Variants in TANC2 observed in about 807,000 individuals in gnomAD.
The protein encoded by TANC2 is protein TANC2.
In TANC2, 26 loss-of-function variants were observed where a neutral mutation model predicts 210.5. That is an observed-to-expected ratio of 0.12 (90% confidence interval 0.09 to 0.17). The LOEUF (loss-of-function observed/expected upper bound fraction) is 0.17. TANC2 is among the 10% of genes least tolerant of loss of function. The pLI, the probability that TANC2 is intolerant of heterozygous loss-of-function variation, is 1.00. For missense variants in TANC2, 2,129 were observed against 2,608.9 expected (o/e 0.82, Z 4.01); for synonymous variants, 931 against 967.1 (o/e 0.96, Z 0.69).
chr17:63,173,843 A>C (rs541945450), intron 5 of TANC2, among the ~76,000 whole-genome samples: 99 of 152,292 alleles, frequency 6.5e-4, no homozygotes, highest in Middle Eastern at 3.4e-3. Context: ...TTATTCATAT[A>C]AAAAAATTAA....
At chr17:63,383,610 A>G (rs1400667018) in intron 15 of TANC2, among the ~76,000 whole-genome samples, 2 of 152,206 alleles carry the variant, frequency 1.3e-5, no homozygotes, top group African/African-American at 2.4e-5. Flanking sequence ...CCATTCATCT[A>G]TTAAAGGACA....
chr17:63,004,849 G>A, intron 1 of TANC2: 1 of 311,064 alleles, frequency 3.2e-6, no homozygotes, highest in East Asian at 1.0e-4. Flanking sequence ...CTTTGGCCCT[G>A]GTTTTAGAGG....
At chr17:63,145,289 C>G (rs1051298191) in intron 4 of TANC2, among the ~76,000 whole-genome samples, 2 of 152,122 alleles carry the variant, frequency 1.3e-5, no homozygotes, top group African/African-American at 4.8e-5. Flanking sequence ...AAGAATGACA[C>G]AAACACTATC....
At chr17:63,353,263 G>A (rs967234455) in intron 13 of TANC2, among the ~76,000 whole-genome samples, 1 of 152,108 alleles carries the variant, frequency 6.6e-6, no homozygotes, top group East Asian at 1.9e-4. Context: ...TTGATGATGG[G>A]CTGAATGTGG....
chr17:63,140,174 C>T (rs1216930317), intron 4 of TANC2, among the ~76,000 whole-genome samples: 1 of 152,132 alleles, frequency 6.6e-6, no homozygotes, highest in African/African-American at 2.4e-5. Context: ...TTCTGAAGCT[C>T]AACTCTCTCT....
At chr17:63,245,781 T>G (rs1204725546) in intron 8 of TANC2, among the ~76,000 whole-genome samples, 1 of 149,212 alleles carries the variant, frequency 6.7e-6, no homozygotes, top group East Asian at 2.0e-4. Flanking sequence ...AGGTGGAGGT[T>G]GCAGTGAGCT....
At chr17:63,409,222 A>C (rs1371486070) in intron 21 of TANC2, among the ~76,000 whole-genome samples, 3 of 151,902 alleles carry the variant, frequency 2.0e-5, no homozygotes, top group African/African-American at 7.3e-5. Flanking sequence ...CCCAGGCTGG[A>C]GTGCAGTGGC....
chr17:63,400,089 A>G (rs1043553974), intron 19 of TANC2, among the ~76,000 whole-genome samples: 1 of 152,220 alleles, frequency 6.6e-6, no homozygotes, highest in Non-Finnish European at 1.5e-5. Context: ...GAGTATGCAT[A>G]TGTGTGTGAC....
In TANC2 at chr17:63,333,204, G is replaced by A. The variant is rs184770550; in HGVS notation, c.1576-6897G>A. 5.3e-5 allele frequency among the ~76,000 whole-genome samples: 8 copies of A among 152,290 alleles called. No homozygotes were observed. The East Asian group carries it at 1.3e-3, about 26-fold the overall frequency. On this transcript the variant is annotated intron_variant, in intron 11 of 27. Transcript: ENST00000689528. ...GATTGTTCTGATGGATCTGGGCAAA[G>A]TAAATTGAAAAGGATTTTCAAGATT...
At chr17:63,219,675 T>C (rs1255132913) in intron 7 of TANC2, among the ~76,000 whole-genome samples, 1 of 152,176 alleles carries the variant, frequency 6.6e-6, no homozygotes, top group East Asian at 1.9e-4. Flanking sequence ...CCTCCCAAAG[T>C]GCTGGGATTA....
chr17:63,340,767 A>C (rs2046202791), intron 12 of TANC2, among the ~76,000 whole-genome samples: 1 of 152,234 alleles, frequency 6.6e-6, no homozygotes, highest in Non-Finnish European at 1.5e-5. Context: ...CCATGGTTAC[A>C]CAATGCTCTG....
At chr17:63,181,616 G>C (rs994100551) in intron 5 of TANC2, among the ~76,000 whole-genome samples, 3 of 152,198 alleles carry the variant, frequency 2.0e-5, no homozygotes, top group African/African-American at 7.2e-5. Context: ...CAGGAAAACA[G>C]AAATTTCACT....
intron 2 of TANC2, among the ~76,000 whole-genome samples, 200 bp from the exon 3 acceptor site, chr17:63,073,743 A>G (rs1426122405): frequency 1.3e-5 from 2 of 152,204 alleles, no homozygotes; most frequent in Non-Finnish European, 2.9e-5. Flanking sequence ...TAAGACTTCA[A>G]GAGGGGAGTG....
At chr17:63,018,741 T>C (rs1454170175) in intron 2 of TANC2, among the ~76,000 whole-genome samples, 1 of 152,212 alleles carries the variant, frequency 6.6e-6, no homozygotes, top group African/African-American at 2.4e-5. Context: ...TAACCCCTGA[T>C]AATAACTGCT....
chr17:63,233,659 G>T (rs1039476088), intron 7 of TANC2, among the ~76,000 whole-genome samples: 1 of 152,166 alleles, frequency 6.6e-6, no homozygotes, highest in Non-Finnish European at 1.5e-5. Flanking sequence ...TATATTTCTC[G>T]TCAGCCATCT....
chr17:63,413,620 G>A (rs1242940560), exon 25 of TANC2: 1 of 1,598,526 alleles, frequency 6.3e-7, no homozygotes, highest in Admixed American at 1.7e-5. Context: ...GGAAGAGGGG[G>A]ACATGTTTTA....
chr17:63,329,552 G>A (rs188448688), intron 11 of TANC2, among the ~76,000 whole-genome samples: 1 of 152,268 alleles, frequency 6.6e-6, no homozygotes, highest in Admixed American at 6.5e-5. Flanking sequence ...CCATTTTTCT[G>A]AGAGCATGTG....
At chr17:63,073,496 T>C (rs1329059909) in intron 2 of TANC2, among the ~76,000 whole-genome samples, 1 of 152,190 alleles carries the variant, frequency 6.6e-6, no homozygotes, top group Non-Finnish European at 1.5e-5. Flanking sequence ...TATTGATTTT[T>C]ATTTCATAAA....
intron 2 of TANC2, among the ~76,000 whole-genome samples, chr17:63,024,455 C>T (rs942056010): frequency 6.6e-6 from 1 of 152,148 alleles, no homozygotes; most frequent in Non-Finnish European, 1.5e-5. Context: ...CTCTCATTGC[C>T]ATCTTGGTTT....
Sources: allele counts gnomAD v4.1 joint callset (sites outside exome capture counted in the v4.1 genomes callset), GRCh38; gene constraint gnomAD v4.1.1; transcripts MANE v1.5; gene names NCBI Gene and HGNC (gene_info 2026-07-23, HGNC 2026-07-21).